The following SYNE1 variants were observed in gnomAD, a reference collection of about 807,000 sequenced individuals.
The protein encoded by SYNE1 is spectrin repeat containing nuclear envelope protein 1, also known as nesprin-1.
Under a neutral mutation model 1,111.0 loss-of-function variants are expected in SYNE1, and 616 were observed. That is an observed-to-expected ratio of 0.55 (90% CI 0.52 to 0.59). SYNE1 has a LOEUF of 0.59. Among genes scored for constraint, SYNE1 ranks in the 20% least tolerant of loss-of-function variants. SYNE1 has a pLI of 0.00. For missense variants in SYNE1, 10,006 were observed against 10,417.0 expected, an observed-to-expected ratio of 0.96 and a Z score of 1.72; for synonymous variants, 3,855 against 3,825.8, an observed-to-expected ratio of 1.01 and a Z score of -0.28.
At chr6:152,474,184 C>CAAAA (rs11330635) in intron 14 of SYNE1, among the ~76,000 whole-genome samples, 1 of 145,816 alleles carries the variant, frequency 6.9e-6, no homozygotes. Flanking sequence ...GACTCTGTCT[C>CAAAA]AAAAAAAAAA....
intron 132 of SYNE1, 133 bp from the exon 133 acceptor site, chr6:152,155,175 G>T: frequency 1.9e-6 from 2 of 1,068,600 alleles, no homozygotes; most frequent in Non-Finnish European, 2.8e-6. Context: ...ACCATTCCTC[G>T]AGCCAAATTT....
At chr6:152,246,244 C>A (rs1402256701) in intron 105 of SYNE1, among the ~76,000 whole-genome samples, 2 of 151,964 alleles carry the variant, frequency 1.3e-5, no homozygotes, top group African/African-American at 4.8e-5. Flanking sequence ...TTTCAATATG[C>A]CTTTCGATGA....
intron 22 of SYNE1, among the ~76,000 whole-genome samples, chr6:152,457,815 G>T (rs1048026649): frequency 2.0e-5 from 3 of 151,706 alleles, no homozygotes; most frequent in African/African-American, 7.3e-5. Flanking sequence ...TAACCATTTC[G>T]TCAATCAGCA....
At chr6:152,456,262 T>C (rs2098695137) in intron 22 of SYNE1, among the ~76,000 whole-genome samples, 1 of 124,502 alleles carries the variant, frequency 8.0e-6, no homozygotes, top group Non-Finnish European at 1.6e-5. Flanking sequence ...ATTTAAATGT[T>C]ACAAAGAGTT....
intron 133 of SYNE1, among the ~76,000 whole-genome samples, chr6:152,154,350 G>T (rs529168994): frequency 6.6e-6 from 1 of 151,830 alleles, no homozygotes; most frequent in African/African-American, 2.4e-5. Context: ...AAAAGTTTTG[G>T]TGACTCAAGA....
intron 8 of SYNE1, 77 bp from the exon 9 acceptor site, chr6:152,505,474 T>C (rs928581204): frequency 6.7e-7 from 1 of 1,496,098 alleles, no homozygotes; most frequent in Non-Finnish European, 9.2e-7. Context: ...TCATGCAAAA[T>C]CCAGTGCTTT....
Position 152,239,704 on chromosome 6 carries a change from T to C in SYNE1, c.19896A>G (p.Glu6632=), listed in dbSNP as rs777796216. The C allele has an allele frequency of 2.0e-5, 33 of 1,614,054 alleles. No individual in the cohort carries two copies. The highest frequency in any genetic ancestry group is 2.8e-5 in the Non-Finnish European group (33 of 1,180,038). ...EIQQLLDKHK[E]YFQGLESHMI... is the part of the protein sequence containing the mutation. Reference sequence around the variant, plus strand: ...TATGAGATTCCAGGCCCTGAAAGTATTCCTGCAATTTTTCAGGAAGAAAGA... The same window carrying C: ...TATGAGATTCCAGGCCCTGAAAGTACTCCTGCAATTTTTCAGGAAGAAAGA... Residue 6632 remains glutamate (E), a splice_region_variant and synonymous_variant, in exon 108 of 146, where the codon GAA becomes GAG. Transcript: ENST00000367255.
Position 152,201,952 on chromosome 6 carries a change from A to G in SYNE1, c.23020-3T>C. 1 of 1,613,840 alleles carries G rather than the reference A, an allele frequency of 6.2e-7. No individual in the cohort carries two copies. Among genetic ancestry groups the G allele is most frequent in the Non-Finnish European group, 8.5e-7 (1 of 1,179,860 alleles). ...CCTTTCTCACATTTTTCCCAGTCCT[A>G]TCATGGGAATAAAAACAAATAGCAT... On this transcript the variant is annotated splice_region_variant and splice_polypyrimidine_tract_variant and intron_variant, in intron 126 of 145. Coordinates refer to ENST00000367255, the MANE Select transcript of SYNE1 (RefSeq NM_182961.4).
intron 68 of SYNE1, 30 bp downstream of exon 68, chr6:152,353,559 T>G: frequency 6.2e-7 from 1 of 1,614,078 alleles, no homozygotes; most frequent in Non-Finnish European, 8.5e-7. Flanking sequence ...AGTTTGCTGG[T>G]CTATGCTGAG....
At chr6:152,589,461 A>G (rs1454687606) in intron 3 of SYNE1, among the ~76,000 whole-genome samples, 1 of 152,168 alleles carries the variant, frequency 6.6e-6, no homozygotes, top group Non-Finnish European at 1.5e-5. Context: ...CAGAAAATCA[A>G]TCATAAAAAT....
rs752269968 is a variant in SYNE1 at position 152,233,886 on chromosome 6, T to C, written c.20607A>G (p.Leu6869=). ...GCAGCGTGGCTGTGTCCACCTTTTT[T>C]AGTCGAAGGAGCTGATTTCCAGTAC... ...VLSTGNQLLR[L]KKVDTATLRS... The change falls in exon 112 of 146, where the codon CTA becomes CTG. Residue 6869 remains leucine, a synonymous_variant. Transcript: ENST00000367255. The C allele has an allele frequency of 1.4e-5, 23 of 1,614,078 alleles. No individual in the cohort carries two copies. The East Asian group carries it at 4.2e-4, about 30-fold the overall frequency.
chr6:152,407,686 TATA>T (rs1341585392), intron 44 of SYNE1, among the ~76,000 whole-genome samples: 1 of 151,814 alleles, frequency 6.6e-6, no homozygotes, highest in Non-Finnish European at 1.5e-5. Flanking sequence ...TCACTCTTCC[TATA>T]ATGATATGCA....
At position 152,637,200 on chromosome 6, in the gene SYNE1, G is replaced by T. The variant is rs1352483726; in HGVS notation, c.-403C>A. 1.3e-5 allele frequency: 2 copies of T among 152,352 alleles called. No homozygotes were observed. The highest frequency in any genetic ancestry group is 3.9e-4 in the East Asian group (2 of 5,188). The allele number at this position is 152,352 out of a possible 1,614,324, so 9.4% of individuals were successfully genotyped here. On this transcript the variant is annotated 5_prime_UTR_variant, in exon 1 of 146. Coordinates refer to ENST00000367255, the MANE Select transcript of SYNE1 (RefSeq NM_182961.4). ...GCAGGCTTCCCTACCTCCTGGAGAT[G>T]CACGGCCTTGGGCGTTTCTCCGCAG...
chr6:152,433,746 T>A, intron 34 of SYNE1, 49 bp downstream of exon 34: 1 of 1,609,300 alleles, frequency 6.2e-7, no homozygotes, highest in Non-Finnish European at 8.5e-7. Flanking sequence ...AAGAAAGTAG[T>A]TCTTAAAAGC....
At chr6:152,199,099 T>C (rs1161541172) in intron 127 of SYNE1, among the ~76,000 whole-genome samples, 2 of 152,210 alleles carry the variant, frequency 1.3e-5, no homozygotes, top group African/African-American at 4.8e-5. Context: ...CCACATAATT[T>C]GATAAATTGC....
chr6:152,289,687 C>T (rs934569442), intron 95 of SYNE1, among the ~76,000 whole-genome samples: 4 of 152,030 alleles, frequency 2.6e-5, no homozygotes, highest in East Asian at 1.9e-4. Context: ...AGTGCGGTGG[C>T]GCAATCTCGG....
intron 8 of SYNE1, among the ~76,000 whole-genome samples, chr6:152,506,664 C>T (rs1344684093): frequency 6.6e-6 from 1 of 152,054 alleles, no homozygotes; most frequent in African/African-American, 2.4e-5. Context: ...ACCTCAGCCT[C>T]CCAAGTAGCT....
chr6:152,282,157 G>T (rs1589286052), intron 96 of SYNE1, 177 bp from the exon 97 acceptor site: 1 of 652,330 alleles, frequency 1.5e-6, no homozygotes, highest in East Asian at 2.8e-5. Context: ...CTAGGGGTGA[G>T]TCTCAAAATT....
At chr6:152,435,762 T>C (rs1294685060) in intron 33 of SYNE1, 179 bp downstream of exon 33, 5 of 734,918 alleles carry the variant, frequency 6.8e-6, no homozygotes, top group South Asian at 1.9e-5. Context: ...GGCTCTGTTA[T>C]AGATATTGGT....
Sources: allele counts gnomAD v4.1 joint callset (sites outside exome capture counted in the v4.1 genomes callset), GRCh38; gene constraint gnomAD v4.1.1; transcripts MANE v1.5; gene names NCBI Gene and HGNC (gene_info 2026-07-23, HGNC 2026-07-21).